The following BRF2 variants were observed in gnomAD, a reference collection of about 807,000 sequenced individuals.
The protein encoded by BRF2 is BRF2 general transcription factor IIIB subunit, also known as transcription factor IIIB 50 kDa subunit.
In BRF2, 17 loss-of-function variants were observed where a neutral mutation model predicts 26.6. The ratio of observed to expected loss-of-function variants is 0.64; its 90% CI spans 0.44 to 0.96. BRF2 has a LOEUF of 0.96. BRF2 is among the 40% of genes least tolerant of loss of function. The pLI, the probability that BRF2 is intolerant of heterozygous loss-of-function variation, is 0.00. For synonymous variants in BRF2, 219 were observed against 226.6 expected, an observed-to-expected ratio of 0.97 and a Z score of 0.30; for missense variants, 515 against 537.0, an observed-to-expected ratio of 0.96 and a Z score of 0.40.
chr8:37,848,689 G>A (rs370316183), intron 1 of BRF2, 34 bp from the exon 2 acceptor site: 1 of 1,576,664 alleles, frequency 6.3e-7, no homozygotes, highest in African/African-American at 1.3e-5. Context: ...AGTGTGCTTA[G>A]CCTTTATTCA....
chr8:37,846,149 G>T (rs1805952315), intron 3 of BRF2, among the ~76,000 whole-genome samples: 1 of 152,128 alleles, frequency 6.6e-6, no homozygotes, highest in Non-Finnish European at 1.5e-5. Flanking sequence ...AGGAGTTCAA[G>T]ACCAGCCTGG....
intron 2 of BRF2, among the ~76,000 whole-genome samples, chr8:37,847,798 G>A (rs948971057): frequency 6.6e-6 from 1 of 151,864 alleles, no homozygotes; most frequent in African/African-American, 2.4e-5. Flanking sequence ...CCAAAGTCTG[G>A]GATTACAGGT....
intron 1 of BRF2, among the ~76,000 whole-genome samples, chr8:37,849,392 T>C (rs1212898573): frequency 6.6e-6 from 1 of 152,210 alleles, no homozygotes; most frequent in Non-Finnish European, 1.5e-5. Flanking sequence ...GGAACTTTTG[T>C]TTCTGTCTCA....
At chr8:37,846,735 C>T in intron 3 of BRF2, 119 bp downstream of exon 3, 1 of 756,764 alleles carries the variant, frequency 1.3e-6, no homozygotes, top group Non-Finnish European at 2.2e-6. Flanking sequence ...CCACTGCACT[C>T]CAGCCTGGGT....
In BRF2 at chr8:37,844,345, G is replaced by A; in HGVS notation, c.*145C>T. ...ACTCCTGACTTTACTCCAGGACCCA[G>A]GGTCCAACTAATGGCAGAGCCCCTC... On this transcript the variant is annotated 3_prime_UTR_variant, in exon 4 of 4. Coordinates refer to ENST00000220659, the MANE Select transcript of BRF2 (RefSeq NM_018310.4). 4.8e-6 allele frequency: 5 copies of A among 1,041,218 alleles called. 1 individual carries two copies. The South Asian group carries it at 7.9e-5, about 17-fold the overall frequency. The allele number at this position is 1,041,218 out of a possible 1,614,324, so 64.5% of individuals were successfully genotyped here. A position where few individuals can be genotyped will look rare whatever the true frequency, so the allele number is the denominator to read the frequency against.
In BRF2 at chr8:37,843,441, G is replaced by C. The variant is rs1029013193; in HGVS notation, c.*1049C>G. ...AAGCCAAGCCCAGAGGCAGTGGCTG[G>C]GGTCCCTGCAGGTCATGAGGGGCCT... On this transcript the variant is annotated 3_prime_UTR_variant, in exon 4 of 4. Coordinates refer to ENST00000220659, the MANE Select transcript of BRF2 (RefSeq NM_018310.4). The C allele has an allele frequency of 6.6e-6, 1 of 152,242 alleles. No individual in the cohort carries two copies. The highest frequency in any genetic ancestry group is 2.4e-5 in the African/African-American group (1 of 41,444). 9.4% of individuals were successfully genotyped at this position (152,242 alleles called of 1,614,324 possible). A position where few individuals can be genotyped will look rare whatever the true frequency, so the allele number is the denominator to read the frequency against.
chr8:37,844,424 C>T lies in BRF2; in HGVS notation c.*66G>A. The T allele has an allele frequency of 6.4e-7, 1 of 1,569,496 alleles. No homozygotes were observed. The highest frequency in any genetic ancestry group is 1.2e-5 in the South Asian group (1 of 83,944). ...CCTACGGACTGGTGTACACTTCCATCCTTGGTTATAACAGGAATGTTATCA... is the reference window on the plus strand; with the variant it reads ...CCTACGGACTGGTGTACACTTCCATTCTTGGTTATAACAGGAATGTTATCA... On this transcript the variant is annotated 3_prime_UTR_variant, in exon 4 of 4. Coordinates refer to ENST00000220659, the MANE Select transcript of BRF2 (RefSeq NM_018310.4).
At chr8:37,847,221 C>A (rs773710364) in intron 2 of BRF2, 46 bp from the exon 3 acceptor site, 12 of 1,557,916 alleles carry the variant, frequency 7.7e-6, no homozygotes, top group Non-Finnish European at 1.1e-5. Flanking sequence ...AAGGAGCTAT[C>A]GTGCAACTCC....
At chr8:37,849,550 G>A (rs1806029747) in intron 1 of BRF2, 80 bp downstream of exon 1, 2 of 1,164,794 alleles carry the variant, frequency 1.7e-6, no homozygotes, top group African/African-American at 1.5e-5. Context: ...ACAGTTAGGA[G>A]TATGGGGGGA....
In BRF2 at chr8:37,848,665, A is replaced by G; in HGVS notation, c.155-10T>C. 1 of 1,611,500 alleles carries G rather than the reference A, an allele frequency of 6.2e-7. No homozygotes were observed. Among genetic ancestry groups the G allele is most frequent in the Middle Eastern group, 1.7e-4 (1 of 6,060 alleles). ...CGGGAATATGTTACCTCTGTAAGATAATAAACAACAAATAGTGTGCTTAGC... is the reference window on the plus strand; with the variant it reads ...CGGGAATATGTTACCTCTGTAAGATGATAAACAACAAATAGTGTGCTTAGC... On this transcript the variant is annotated splice_polypyrimidine_tract_variant and intron_variant, in intron 1 of 3. Coordinates refer to ENST00000220659, the MANE Select transcript of BRF2 (RefSeq NM_018310.4).
At chr8:37,848,202 G>A (rs934937645) in intron 2 of BRF2, among the ~76,000 whole-genome samples, 10 of 151,016 alleles carry the variant, frequency 6.6e-5, no homozygotes, top group African/African-American at 1.7e-4. Context: ...CGCCCGCCTC[G>A]GCCTCCCAAA....
At position 37,849,817 on chromosome 8, in the gene BRF2, A is replaced by G; in HGVS notation, c.-34T>C. ...CGGCCCCAAAGCCGCGGAAGCCTTC[A>G]GAGACTCCTGGGTCTGCAACAGCAA... On this transcript the variant is annotated 5_prime_UTR_variant, in exon 1 of 4. Coordinates refer to ENST00000220659, the MANE Select transcript of BRF2 (RefSeq NM_018310.4). The G allele has an allele frequency of 1.3e-6, 2 of 1,576,322 alleles. No homozygotes were observed. Among genetic ancestry groups the G allele is most frequent in the South Asian group, 2.3e-5 (2 of 87,972 alleles).
Position 37,844,856 on chromosome 8 carries a change from A to G in BRF2, c.894T>C (p.Gly298=). 6.2e-7 allele frequency: 1 copy of G among 1,614,156 alleles called. No homozygotes were observed. The highest frequency in any genetic ancestry group is 1.7e-5 in the Admixed American group (1 of 60,020). Residue 298 remains glycine (G), a synonymous_variant, in exon 4 of 4, where the codon GGT becomes GGC. Transcript: ENST00000220659. ...GTGACTGGCGGTGCTGGAGAAGGTC[A>G]CCGATGTGCTTCACCACAGACCGTT... ...LDKRSVVKHI[G]DLLQHRQSLV...
At chr8:37,848,435 C>T (rs970122149) in intron 2 of BRF2, among the ~76,000 whole-genome samples, 161 bp downstream of exon 2, 3 of 151,636 alleles carry the variant, frequency 2.0e-5, no homozygotes, top group Non-Finnish European at 4.4e-5. Flanking sequence ...TTAGTAGAGA[C>T]GGGGTTTCGC....
At chr8:37,847,644 C>G (rs909528149) in intron 2 of BRF2, among the ~76,000 whole-genome samples, 17 of 152,176 alleles carry the variant, frequency 1.1e-4, no homozygotes, top group African/African-American at 4.1e-4. Flanking sequence ...ATTCTCCTGC[C>G]TCAGCCTCCC....
chr8:37,845,004 C>T lies in BRF2; in HGVS notation c.746G>A (p.Arg249Gln), dbSNP rs1251717807. The change falls in exon 4 of 4, where the codon CGA becomes CAA. Residue 249 changes from arginine to glutamine, a missense_variant. By Grantham distance (43) the Arg-to-Gln change is conservative. Coordinates refer to ENST00000220659, the MANE Select transcript of BRF2 (RefSeq NM_018310.4). ...PADRLSCSLARFCKLANVDLP... is the reference protein window; with the variant it reads ...PADRLSCSLAQFCKLANVDLP... ...GTCCACATTTGCCAATTTACAAAAT[C>T]GGGCAAGGGAACATGAAAGCCGATC... 1.2e-6 allele frequency: 2 copies of T among 1,613,830 alleles called. No individual in the cohort carries two copies. Among genetic ancestry groups the T allele is most frequent in the Admixed American group, 1.7e-5 (1 of 59,970 alleles).
At chr8:37,845,605 C>A (rs140379210) in intron 3 of BRF2, 2 of 667,670 alleles carry the variant, frequency 3.0e-6, no homozygotes, top group Admixed American at 2.4e-5. Flanking sequence ...CTACTTTCAA[C>A]GTTATTTATC....
chr8:37,844,315 C>G lies in BRF2; in HGVS notation c.*175G>C, dbSNP rs1286138374. 5.5e-6 allele frequency: 4 copies of G among 721,928 alleles called. No individual in the cohort carries two copies. The highest frequency in any genetic ancestry group is 9.2e-6 in the Non-Finnish European group (4 of 433,844). The allele number at this position is 721,928 out of a possible 1,614,324, so 44.7% of individuals were successfully genotyped here. A position where few individuals can be genotyped will look rare whatever the true frequency, so the allele number is the denominator to read the frequency against. ...GGAATCTCTCCTACCTATAGTCATCCCTGCACTCCTGACTTTACTCCAGGA... is the reference window on the plus strand; with the variant it reads ...GGAATCTCTCCTACCTATAGTCATCGCTGCACTCCTGACTTTACTCCAGGA... On this transcript the variant is annotated 3_prime_UTR_variant, in exon 4 of 4. Coordinates refer to ENST00000220659, the MANE Select transcript of BRF2 (RefSeq NM_018310.4).
chr8:37,848,382 G>GA (rs960380037), intron 2 of BRF2, among the ~76,000 whole-genome samples: 4 of 152,136 alleles, frequency 2.6e-5, no homozygotes, highest in Non-Finnish European at 4.4e-5. Context: ...AAGTAGCTGG[G>GA]ACTACAGGTA....
Sources: gnomAD v4.1 joint callset for allele counts (sites outside exome capture counted in the v4.1 genomes callset) on GRCh38, gnomAD v4.1.1 for gene constraint, MANE v1.5 for transcripts, NCBI Gene and HGNC (gene_info 2026-07-23, HGNC 2026-07-21) for gene names.